ACOT7: variants seen among roughly 807,000 people sequenced by gnomAD.
ACOT7 encodes the protein acyl-CoA thioesterase 7.
A neutral mutation model predicts 40.2 loss-of-function variants in ACOT7; 12 were observed. That is an observed-to-expected ratio of 0.30 (90% CI 0.19 to 0.48). The LOEUF (loss-of-function observed/expected upper bound fraction) is 0.48, where lower values mean the gene tolerates loss of function less well. Ranked by LOEUF, ACOT7 falls within the 20% of genes least tolerant of loss-of-function variation. ACOT7 has a pLI of 0.99. For missense variants in ACOT7, 395 were observed against 530.8 expected (o/e 0.74, Z 2.51); for synonymous variants, 228 against 219.5 (o/e 1.04, Z -0.34).
chr1:6,356,856 T>A (rs1223444248), intron 1 of ACOT7, among the ~76,000 whole-genome samples: 1 of 149,056 alleles, frequency 6.7e-6, no homozygotes, highest in Admixed American at 6.7e-5. Flanking sequence ...GAGGCGGAGG[T>A]TGCAGTGAGC....
At chr1:6,347,723 C>T (rs1051559379) in intron 2 of ACOT7, among the ~76,000 whole-genome samples, 12 of 151,658 alleles carry the variant, frequency 7.9e-5, no homozygotes, top group African/African-American at 1.5e-4. Context: ...GCCGGGATCG[C>T]ACCATTGTAC....
rs1339965679 is a variant in ACOT7 at position 6,278,818 on chromosome 1, A to G, written c.1014+2284T>C. Among the ~76,000 whole-genome samples, 1 of 152,220 alleles carries G rather than the reference A, an allele frequency of 6.6e-6. No homozygotes were observed. Among genetic ancestry groups the G allele is most frequent in the Non-Finnish European group, 1.5e-5 (1 of 68,044 alleles). ...ACAGGGTCCCCCATCCAGGGAGCGC[A>G]GGCTTCACTGAGGGCCTGGTCAGCT... is the stretch of plus-strand genomic sequence containing the variant. On this transcript the variant is annotated intron_variant, in intron 8 of 8. Transcript: ENST00000361521. The surrounding 1 kb of genome is among the most constrained non-coding windows in gnomAD (Gnocchi z 4.1).
At chr1:6,305,616 A>G (rs1164814345) in intron 6 of ACOT7, among the ~76,000 whole-genome samples, 2 of 147,616 alleles carry the variant, frequency 1.4e-5, no homozygotes, top group Non-Finnish European at 3.0e-5. Flanking sequence ...GGCGCTCCCC[A>G]CATCTCAGAT....
At chr1:6,366,590 T>TA (rs571854842) in intron 1 of ACOT7, among the ~76,000 whole-genome samples, 6,539 of 90,754 alleles carry the variant, frequency 0.072, 255 homozygotes, top group African/African-American at 0.15. Flanking sequence ...CTATCTCAAA[T>TA]AAAAAAAAAA....
intron 8 of ACOT7, among the ~76,000 whole-genome samples, chr1:6,270,288 T>C (rs1454761316): frequency 6.6e-6 from 1 of 152,224 alleles, no homozygotes; most frequent in Non-Finnish European, 1.5e-5. Context: ...TGGCTGTTGC[T>C]GTTTTTAATG....
At chr1:6,351,681 G>A (rs759709842) in intron 1 of ACOT7, among the ~76,000 whole-genome samples, 4 of 152,208 alleles carry the variant, frequency 2.6e-5, no homozygotes, top group Non-Finnish European at 5.9e-5. Flanking sequence ...CATTTCCCAG[G>A]AGCAGCAGAG....
chr1:6,292,172 C>T (rs1436841251), intron 7 of ACOT7, among the ~76,000 whole-genome samples: 3 of 152,230 alleles, frequency 2.0e-5, no homozygotes, highest in Non-Finnish European at 4.4e-5. Flanking sequence ...CAGTTTGGTC[C>T]AAATTCCTCT....
intron 2 of ACOT7, among the ~76,000 whole-genome samples, chr1:6,349,534 C>T (rs550191937): frequency 6.6e-4 from 101 of 152,346 alleles, no homozygotes; most frequent in African/African-American, 2.2e-3. Context: ...GACGCTTCAT[C>T]TCTGGTGGGT....
At chr1:6,296,475 G>C (rs890916275) in intron 6 of ACOT7, among the ~76,000 whole-genome samples, 3 of 151,306 alleles carry the variant, frequency 2.0e-5, no homozygotes, top group African/African-American at 7.3e-5. Flanking sequence ...CCAGGCTGGA[G>C]TGCACTGGCG....
rs1437976993 is a variant in ACOT7, at chr1:6,358,533, C to T, written c.144-8667G>A. Among the ~76,000 whole-genome samples, 1 of 152,218 alleles carries T rather than the reference C, an allele frequency of 6.6e-6. No individual in the cohort carries two copies. Among genetic ancestry groups the T allele is most frequent in the Non-Finnish European group, 1.5e-5 (1 of 68,036 alleles). On this transcript the variant is annotated intron_variant, in intron 1 of 8. Transcript: ENST00000361521. This position sits in a 1 kb window ranked among gnomAD's most constrained non-coding sequence, Gnocchi z 4.1. ...GCAAGGCTGGAAAGAAAACCAGGTG[C>T]CTTCCTCCCTGGGGACTAGAGCAGG...
intron 4 of ACOT7, among the ~76,000 whole-genome samples, chr1:6,332,815 C>T (rs142042216): frequency 0.028 from 4,128 of 148,188 alleles, 204 homozygotes; most frequent in African/African-American, 0.098. Flanking sequence ...AGCAAGATTC[C>T]GTCTCAAAAA....
chr1:6,268,425 T>C (rs1390201333), intron 8 of ACOT7, among the ~76,000 whole-genome samples: 1 of 152,196 alleles, frequency 6.6e-6, no homozygotes, highest in African/African-American at 2.4e-5. Flanking sequence ...AGCAAAAAAC[T>C]AACTAGACCT....
In ACOT7 at chr1:6,330,288, A is replaced by G. The variant is rs1045430018; in HGVS notation, c.511-2875T>C. Among the ~76,000 whole-genome samples the G allele has an allele frequency of 1.3e-5, 2 of 152,236 alleles. No individual in the cohort carries two copies. The highest frequency in any genetic ancestry group is 2.9e-5 in the Non-Finnish European group (2 of 68,044). Reference sequence around the variant, plus strand: ...CACCAGCAGATGGGCATAAATGCCCATCGGAGCCAGGGAAGGAAGCTGTAC... The same window carrying G: ...CACCAGCAGATGGGCATAAATGCCCGTCGGAGCCAGGGAAGGAAGCTGTAC... On this transcript the variant is annotated intron_variant, in intron 4 of 8. Transcript: ENST00000361521. The surrounding 1 kb of genome is among the most constrained non-coding windows in gnomAD (Gnocchi z 4.6).
intron 4 of ACOT7, among the ~76,000 whole-genome samples, chr1:6,331,468 G>T: frequency 6.6e-6 from 1 of 152,202 alleles, no homozygotes; most frequent in East Asian, 1.9e-4. Context: ...AATGGAGGGC[G>T]CAGGGCCTTG....
intron 2 of ACOT7, among the ~76,000 whole-genome samples, chr1:6,347,321 G>A (rs1641456871): frequency 6.6e-6 from 1 of 152,238 alleles, no homozygotes; most frequent in African/African-American, 2.4e-5. Flanking sequence ...CCCAGATCCG[G>A]AGAAGGAGCA....
At chr1:6,381,554 C>A (rs1391110871) in intron 1 of ACOT7, among the ~76,000 whole-genome samples, 2 of 151,664 alleles carry the variant, frequency 1.3e-5, no homozygotes, top group East Asian at 1.9e-4. Context: ...CAAGGATGCC[C>A]AGAAACCAGA....
At chr1:6,290,847 AG>A (rs1487499744) in intron 7 of ACOT7, among the ~76,000 whole-genome samples, 1 of 152,220 alleles carries the variant, frequency 6.6e-6, no homozygotes, top group African/African-American at 2.4e-5. Flanking sequence ...CTCTGAAGTC[AG>A]GGTCCGGAGC....
At chr1:6,279,897 C>T (rs1290300750) in intron 8 of ACOT7, among the ~76,000 whole-genome samples, 2 of 152,296 alleles carry the variant, frequency 1.3e-5, no homozygotes, top group African/African-American at 4.8e-5. Context: ...GGCGACTCGG[C>T]GGCCCTCCTC....
chr1:6,306,096 G>C lies in ACOT7; in HGVS notation c.713-11116C>G, dbSNP rs1487571569. On this transcript the variant is annotated intron_variant, in intron 6 of 8. Coordinates refer to ENST00000361521, the MANE Select transcript of ACOT7 (RefSeq NM_007274.4). This position sits in a 1 kb window ranked among gnomAD's most constrained non-coding sequence, Gnocchi z 4.3. Reference sequence around the variant, plus strand: ...CGCAGGCACTCGGCAGGCTGAGGCAGGAGAATCAGGCAGGGAGGTTGCAGT... The same window carrying C: ...CGCAGGCACTCGGCAGGCTGAGGCACGAGAATCAGGCAGGGAGGTTGCAGT... 2.9e-6 allele frequency: 1 copy of C among 341,802 alleles called. No individual in the cohort carries two copies. The highest frequency in any genetic ancestry group is 4.1e-6 in the Non-Finnish European group (1 of 242,918). The allele number at this position is 341,802 out of a possible 1,614,324, so 21.2% of individuals were successfully genotyped here.
Sources: allele counts gnomAD v4.1 joint callset (sites outside exome capture counted in the v4.1 genomes callset), GRCh38; gene constraint gnomAD v4.1.1; non-coding constraint Gnocchi (gnomAD v3.1); transcripts MANE v1.5; gene names NCBI Gene and HGNC (gene_info 2026-07-23, HGNC 2026-07-21).